RPS6KA5: variants seen among roughly 807,000 people sequenced by gnomAD.
The protein encoded by RPS6KA5 is ribosomal protein S6 kinase alpha-5.
In RPS6KA5, 27 loss-of-function variants were observed where a neutral mutation model predicts 85.5. The observed-to-expected ratio is 0.32, with a 90% CI of 0.23 to 0.44. The LOEUF is 0.44. Among genes scored for constraint, RPS6KA5 ranks in the 20% least tolerant of loss-of-function variants. RPS6KA5 has a pLI of 1.00. For synonymous variants in RPS6KA5, 334 were observed against 348.2 expected (o/e 0.96, Z 0.46); for missense variants, 811 against 980.9 (o/e 0.83, Z 2.31).
chr14:90,983,298 A>C (rs1420677270), intron 2 of RPS6KA5, among the ~76,000 whole-genome samples: 1 of 150,970 alleles, frequency 6.6e-6, no homozygotes, highest in African/African-American at 2.4e-5. Flanking sequence ...AAAAAGAAAG[A>C]AAGAAAAAAA....
chr14:90,914,578 G>A (rs138157517), intron 7 of RPS6KA5, among the ~76,000 whole-genome samples: 26 of 152,186 alleles, frequency 1.7e-4, no homozygotes, highest in African/African-American at 6.3e-4. Context: ...GCCTCCCCAA[G>A]TGCTAGGATT....
chr14:90,950,737 C>T (rs976254975), intron 3 of RPS6KA5, among the ~76,000 whole-genome samples: 3 of 152,088 alleles, frequency 2.0e-5, no homozygotes, highest in Admixed American at 6.5e-5. Context: ...TGATAGATTC[C>T]ACTTGGCCAT....
At chr14:90,954,499 C>T (rs536061026) in intron 3 of RPS6KA5, among the ~76,000 whole-genome samples, 26 of 152,254 alleles carry the variant, frequency 1.7e-4, no homozygotes, top group Admixed American at 5.9e-4. Context: ...CTGAAACCTC[C>T]GCCTCCCGGG....
At chr14:91,037,978 TTG>T (rs1428847502) in intron 1 of RPS6KA5, among the ~76,000 whole-genome samples, 3 of 152,166 alleles carry the variant, frequency 2.0e-5, no homozygotes, top group Non-Finnish European at 2.9e-5. Flanking sequence ...TATGCTGAGA[TTG>T]TGTCTAGCTA....
Position 90,887,641 on chromosome 14 carries a change from T to C in RPS6KA5, c.1836+2846A>G, listed in dbSNP as rs1191315443. On this transcript the variant is annotated intron_variant, in intron 14 of 16. Coordinates refer to ENST00000614987, the MANE Select transcript of RPS6KA5 (RefSeq NM_004755.4). Reference sequence around the variant, plus strand: ...ATAAATTAGATCTATATGAATTACATTTAATTTGAATTTAATAAATAGAAT... The same window carrying C: ...ATAAATTAGATCTATATGAATTACACTTAATTTGAATTTAATAAATAGAAT... 2.0e-5 allele frequency among the ~76,000 whole-genome samples: 3 copies of C among 152,224 alleles called. No individual in the cohort carries two copies. In the South Asian group the frequency reaches 6.2e-4, roughly 32 times the overall value.
intron 9 of RPS6KA5, among the ~76,000 whole-genome samples, chr14:90,901,493 A>C (rs1261152340): frequency 6.6e-6 from 1 of 152,234 alleles, no homozygotes; most frequent in Non-Finnish European, 1.5e-5. Context: ...AGAATAATTA[A>C]ATTTAAAATT....
At chr14:90,944,575 G>A (rs1380599740) in intron 4 of RPS6KA5, among the ~76,000 whole-genome samples, 2 of 152,114 alleles carry the variant, frequency 1.3e-5, no homozygotes, top group Admixed American at 6.5e-5. Flanking sequence ...GACCAACATG[G>A]AGAAACCCCG....
intron 1 of RPS6KA5, among the ~76,000 whole-genome samples, chr14:91,007,799 T>C (rs2041090682): frequency 1.3e-5 from 2 of 151,786 alleles, no homozygotes; most frequent in Admixed American, 6.6e-5. Context: ...AAAAGGAAAA[T>C]TGTCTTTTCC....
chr14:90,872,230 G>A lies in RPS6KA5; in HGVS notation c.2253C>T (p.Thr751=). The A allele has an allele frequency of 6.2e-7, 1 of 1,614,002 alleles. No individual in the cohort carries two copies. The highest frequency in any genetic ancestry group is 8.5e-7 in the Non-Finnish European group (1 of 1,180,004). ...AKRRKMKKTS[T]STETRSSSSE... The stretch of plus-strand genomic sequence containing the variant: ...TGGAACTGCTGCGCGTCTCGGTACT[G>A]GTGCTAGTCTTTTTCATTTTTCTTC... Residue 751 remains threonine, a synonymous_variant, in exon 17 of 17, where the codon ACC becomes ACT. Transcript: ENST00000614987.
Position 90,869,895 on chromosome 14 carries a change from C to A in RPS6KA5, c.*2179G>T, listed in dbSNP as rs1280402491. ...AAAAGCCCATTTGAGATTATTCAGGCAGGCTCATCAGTTGACAGCTAGCCT... is the reference window on the plus strand; with the variant it reads ...AAAAGCCCATTTGAGATTATTCAGGAAGGCTCATCAGTTGACAGCTAGCCT... On this transcript the variant is annotated 3_prime_UTR_variant, in exon 17 of 17. Coordinates refer to ENST00000614987, the MANE Select transcript of RPS6KA5 (RefSeq NM_004755.4). 6.6e-6 allele frequency: 1 copy of A among 152,214 alleles called. No individual in the cohort carries two copies. The highest frequency in any genetic ancestry group is 1.5e-5 in the Non-Finnish European group (1 of 68,042). The allele number at this position is 152,214 out of a possible 1,614,324, so 9.4% of individuals were successfully genotyped here. A position where few individuals can be genotyped will look rare whatever the true frequency, so the allele number is the denominator to read the frequency against.
chr14:90,990,025 C>A (rs2140524476), intron 2 of RPS6KA5, among the ~76,000 whole-genome samples: 1 of 152,076 alleles, frequency 6.6e-6, no homozygotes, highest in Non-Finnish European at 1.5e-5. Context: ...GAGAATAAAG[C>A]AATTTGGGCA....
intron 1 of RPS6KA5, among the ~76,000 whole-genome samples, chr14:91,005,386 C>A (rs2040972734): frequency 6.6e-6 from 1 of 152,124 alleles, no homozygotes; most frequent in Non-Finnish European, 1.5e-5. Context: ...ACTTAGCAAC[C>A]ACATGTTTTT....
At chr14:91,046,250 C>A (rs2042865938) in intron 1 of RPS6KA5, among the ~76,000 whole-genome samples, 1 of 152,178 alleles carries the variant, frequency 6.6e-6, no homozygotes, top group Non-Finnish European at 1.5e-5. Flanking sequence ...CAGTGCCAGA[C>A]ACACAGTAGG....
In RPS6KA5 at chr14:90,984,328, C is replaced by G. The variant is rs561151409; in HGVS notation, c.176-5804G>C. 2.6e-5 allele frequency among the ~76,000 whole-genome samples: 4 copies of G among 152,322 alleles called. No individual in the cohort carries two copies. The South Asian group carries it at 6.2e-4, about 24-fold the overall frequency. On this transcript the variant is annotated intron_variant, in intron 2 of 16. Coordinates refer to ENST00000614987, the MANE Select transcript of RPS6KA5 (RefSeq NM_004755.4). ...GACCAAATGAATGACGTAAATCTTT[C>G]AATTCATGGCCCTACAGACACCATT...
chr14:90,991,722 A>AG (rs1035187179), intron 2 of RPS6KA5, among the ~76,000 whole-genome samples: 1 of 148,680 alleles, frequency 6.7e-6, no homozygotes, highest in Non-Finnish European at 1.5e-5. Flanking sequence ...AAAAAAAAAG[A>AG]AGAGAGATAA....
intron 1 of RPS6KA5, among the ~76,000 whole-genome samples, chr14:91,033,301 G>T (rs1434478139): frequency 6.6e-6 from 1 of 152,138 alleles, no homozygotes; most frequent in Non-Finnish European, 1.5e-5. Flanking sequence ...GATTGGAAAA[G>T]ATTTTTTTTA....
At chr14:90,971,101 G>C (rs938809692) in intron 3 of RPS6KA5, among the ~76,000 whole-genome samples, 14 of 152,020 alleles carry the variant, frequency 9.2e-5, no homozygotes, top group Non-Finnish European at 1.9e-4. Context: ...GCAGATTACC[G>C]ATGCCAGGAG....
In RPS6KA5 at chr14:90,853,097, A is replaced by G. The variant is rs1451708825; in HGVS notation, c.*18977T>C. 1 of 152,146 alleles carries G rather than the reference A, an allele frequency of 6.6e-6. No homozygotes were observed. Among genetic ancestry groups the G allele is most frequent in the East Asian group, 1.9e-4 (1 of 5,202 alleles). 9.4% of individuals were successfully genotyped at this position (152,146 alleles called of 1,614,324 possible). On this transcript the variant is annotated 3_prime_UTR_variant, in exon 17 of 17. Transcript: ENST00000614987. ...AAAAGCCCCGGATGTTAGCAAAAAG[A>G]GTGAATGTGTTTGCCGTTCTATAAA...
chr14:90,962,653 T>C lies in RPS6KA5; in HGVS notation c.395-15103A>G, dbSNP rs567827383. Among the ~76,000 whole-genome samples, 43 of 151,962 alleles carry C rather than the reference T, an allele frequency of 2.8e-4. No homozygotes were observed. In the South Asian group the frequency reaches 8.9e-3, roughly 32 times the overall value. ...CTAGGCTGGAGTGCAGTATGAACCC[T>C]GGGCGGTTTTCTCGAAAAAAGTACT... On this transcript the variant is annotated intron_variant, in intron 3 of 16. Coordinates refer to ENST00000614987, the MANE Select transcript of RPS6KA5 (RefSeq NM_004755.4).
Sources: gnomAD v4.1 joint callset for allele counts (sites outside exome capture counted in the v4.1 genomes callset) on GRCh38, gnomAD v4.1.1 for gene constraint, MANE v1.5 for transcripts, NCBI Gene and HGNC (gene_info 2026-07-23, HGNC 2026-07-21) for gene names.